TIMM50: variants seen among roughly 807,000 people sequenced by gnomAD.
The protein encoded by TIMM50 is translocase of inner mitochondrial membrane 50.
In TIMM50, 34 loss-of-function variants were observed where a neutral mutation model predicts 49.6. The ratio of observed to expected loss-of-function variants is 0.69; its 90% CI spans 0.52 to 0.91. The LOEUF (loss-of-function observed/expected upper bound fraction) is 0.91, where lower values mean the gene tolerates loss of function less well. Ranked by LOEUF, TIMM50 falls within the 40% of genes least tolerant of loss-of-function variation. TIMM50 has a pLI of 0.00. For missense variants in TIMM50, 458 were observed against 477.8 expected, an observed-to-expected ratio of 0.96 and a Z score of 0.39; for synonymous variants, 199 against 198.4, an observed-to-expected ratio of 1.00 and a Z score of -0.03.
chr19:39,488,258 C>A, intron 9 of TIMM50, 41 bp downstream of exon 9: 1 of 1,576,918 alleles, frequency 6.3e-7, no homozygotes, highest in Non-Finnish European at 8.7e-7. Context: ...GACCCCAGAG[C>A]CCCTGACTCT....
rs1009873079 is a variant in TIMM50 at position 39,485,790 on chromosome 19, T to C, written c.475T>C (p.Leu159=). Residue 159 remains leucine, a synonymous_variant, in exon 6 of 11, where the codon TTG becomes CTG. Coordinates refer to ENST00000607714, the MANE Select transcript of TIMM50 (RefSeq NM_001001563.5). ...CGTTTTGGAGCTCACCGGCGTCCTCTTGCATCCTGAGTGGTCGGTGTGTCC... is the reference window on the plus strand; with the variant it reads ...CGTTTTGGAGCTCACCGGCGTCCTCCTGCATCCTGAGTGGTCGGTGTGTCC... ...TLVLELTGVL[L]HPEWSLATGW... The C allele has an allele frequency of 6.2e-7, 1 of 1,614,152 alleles. No homozygotes were observed. The highest frequency in any genetic ancestry group is 1.7e-5 in the Admixed American group (1 of 60,010).
intron 4 of TIMM50, among the ~76,000 whole-genome samples, chr19:39,484,509 T>C (rs1038183791): frequency 6.6e-6 from 1 of 152,142 alleles, no homozygotes; most frequent in Non-Finnish European, 1.5e-5. Flanking sequence ...CAGATAATTA[T>C]AGAGGACTGC....
intron 6 of TIMM50, 184 bp from the exon 7 acceptor site, chr19:39,486,003 G>A (rs991026767): frequency 9.2e-6 from 10 of 1,092,188 alleles, no homozygotes; most frequent in Admixed American, 4.0e-5. Context: ...GCCCAGGCAC[G>A]CTATAAGTGC....
Position 39,485,268 on chromosome 19 carries a change from G to A in TIMM50, c.314-276G>A, listed in dbSNP as rs1339977341. On this transcript the variant is annotated intron_variant, in intron 4 of 10. Transcript: ENST00000607714. ...TGAGCCACCGTGCCCGGCCTTGTAT[G>A]TGGGTTTTAAGTGGGCCAATGTAAT... 1.6e-5 allele frequency: 8 copies of A among 493,120 alleles called. No homozygotes were observed. The East Asian group carries it at 1.9e-4, about 12-fold the overall frequency. 30.5% of individuals were successfully genotyped at this position (493,120 alleles called of 1,614,324 possible).
rs558329966 is a variant in TIMM50, at chr19:39,492,319, G to GA, written c.*2499_*2500insA. The GA allele has an allele frequency of 6.1e-5, 9 of 147,974 alleles. No individual in the cohort carries two copies. In the East Asian group the frequency reaches 8.0e-4, roughly 13 times the overall value. 9.2% of individuals were successfully genotyped at this position (147,974 alleles called of 1,614,324 possible). On this transcript the variant is annotated 3_prime_UTR_variant, in exon 11 of 11. Coordinates refer to ENST00000607714, the MANE Select transcript of TIMM50 (RefSeq NM_001001563.5). ...ACATGGGAAGAGCCTGTCTCTTGCG[G>GA]GGGGGGGAGAAGAAAGTTCTTGTCT...
rs57882551 is a variant in TIMM50, at chr19:39,493,094, AT to A, written c.*3287del. On this transcript the variant is annotated 3_prime_UTR_variant, in exon 11 of 11. Transcript: ENST00000607714. Reference sequence around the variant, plus strand: ...ACCAGACTGAACCTCTGCACTCTAGATTTTTTTTTTTTTGAAGCCTCTACAA... The same window carrying A: ...ACCAGACTGAACCTCTGCACTCTAGATTTTTTTTTTTTGAAGCCTCTACAA... The A allele has an allele frequency of 9.5e-3, 1,373 of 144,092 alleles. 12 individuals are homozygous for A. The highest frequency in any genetic ancestry group is 0.027 in the African/African-American group (1,084 of 39,508). 8.9% of individuals were successfully genotyped at this position (144,092 alleles called of 1,614,324 possible). A position where few individuals can be genotyped will look rare whatever the true frequency, so the allele number is the denominator to read the frequency against.
In TIMM50 at chr19:39,486,332, G is replaced by A. The variant is rs765488736; in HGVS notation, c.597+41G>A. 3.4e-5 allele frequency: 55 copies of A among 1,612,800 alleles called. 1 individual carries two copies. In the South Asian group the frequency reaches 4.3e-4, roughly 13 times the overall value. ...AGGGGAGGGAATATTGGTGTGGTGG[G>A]AGGCGTAGAGATCTGGAGGACCAGG... On this transcript the variant is annotated intron_variant, in intron 7 of 10. Coordinates refer to ENST00000607714, the MANE Select transcript of TIMM50 (RefSeq NM_001001563.5).
At chr19:39,482,281 G>A (rs2146148783) in intron 2 of TIMM50, among the ~76,000 whole-genome samples, 1 of 152,286 alleles carries the variant, frequency 6.6e-6, no homozygotes. Flanking sequence ...GGGAAGATGG[G>A]GAAGGATAGG....
Position 39,480,895 on chromosome 19 carries a change from G to C in TIMM50, c.42G>C (p.Gly14=), listed in dbSNP as rs1356212863. The C allele has an allele frequency of 2.5e-6, 4 of 1,597,930 alleles. No homozygotes were observed. Among genetic ancestry groups the C allele is most frequent in the South Asian group, 1.1e-5 (1 of 90,126 alleles). ...SAAVFSRLRS[G]LRLGSRGLCT... ...CGGTGTTCTCGCGCTTGCGAAGCGGGCTCCGGCTCGGCTCGCGGGGACTGT... is the reference window on the plus strand; with the variant it reads ...CGGTGTTCTCGCGCTTGCGAAGCGGCCTCCGGCTCGGCTCGCGGGGACTGT... Residue 14 remains glycine, a synonymous_variant, in exon 1 of 11, where the codon GGG becomes GGC. Coordinates refer to ENST00000607714, the MANE Select transcript of TIMM50 (RefSeq NM_001001563.5).
intron 4 of TIMM50, among the ~76,000 whole-genome samples, chr19:39,484,618 C>T (rs762769777): frequency 6.6e-5 from 10 of 151,808 alleles, no homozygotes; most frequent in Non-Finnish European, 1.3e-4. Context: ...CCAGATTTCC[C>T]AGGGGTAGGC....
chr19:39,488,275 G>T, intron 9 of TIMM50, 58 bp downstream of exon 9: 1 of 1,562,532 alleles, frequency 6.4e-7, no homozygotes, highest in Non-Finnish European at 8.7e-7. Flanking sequence ...CTCTGAAGAG[G>T]AAGGATAAAT....
In TIMM50 at chr19:39,488,564, C is replaced by T. The variant is rs571764361; in HGVS notation, c.879C>T (p.Asp293=). The change falls in exon 10 of 11, where the codon GAC becomes GAT. Residue 293 remains aspartate (D), a synonymous_variant. Coordinates refer to ENST00000607714, the MANE Select transcript of TIMM50 (RefSeq NM_001001563.5). ...CCATTGCACTGAATGGTGTGGAGGA[C>T]GTGCGAACCGTGCTGGAGCACTATG... is the stretch of plus-strand genomic sequence containing the variant. ...LKTIALNGVE[D]VRTVLEHYAL... The T allele has an allele frequency of 2.1e-5, 34 of 1,612,992 alleles. No homozygotes were observed. Among genetic ancestry groups the T allele is most frequent in the South Asian group, 8.8e-5 (8 of 91,026 alleles).
intron 9 of TIMM50, 31 bp from the exon 10 acceptor site, chr19:39,488,508 C>A: frequency 6.3e-7 from 1 of 1,599,624 alleles, no homozygotes; most frequent in Non-Finnish European, 8.6e-7. Flanking sequence ...CCTTTAGAAG[C>A]CTGGCTGACC....
Position 39,481,883 on chromosome 19 carries a change from G to C in TIMM50, c.109G>C (p.Ala37Pro), listed in dbSNP as rs765553356. Residue 37 changes from alanine to proline, a missense_variant and splice_region_variant, in exon 2 of 11, where the codon GCC (alanine) becomes CCC (proline). Ala to Pro is a conservative substitution (Grantham distance 27). Coordinates refer to ENST00000607714, the MANE Select transcript of TIMM50 (RefSeq NM_001001563.5). ...ATPPRRAPDQ[A>P]AEIGSRGSTK... ...CTGACCTCCCCTTTCTCAACCGCAG[G>C]CCGCAGAGATCGGGAGCCGCGGGAG... 1.3e-5 allele frequency: 21 copies of C among 1,612,006 alleles called. No homozygotes were observed. Among genetic ancestry groups the C allele is most frequent in the Non-Finnish European group, 1.8e-5 (21 of 1,179,316 alleles).
At chr19:39,482,818 C>T in intron 2 of TIMM50, 67 bp from the exon 3 acceptor site, 1 of 1,606,918 alleles carries the variant, frequency 6.2e-7, no homozygotes, top group South Asian at 1.1e-5. Flanking sequence ...CCCCTTATCC[C>T]ACTCCTCCCT....
intron 8 of TIMM50, 79 bp from the exon 9 acceptor site, chr19:39,487,982 A>G: frequency 7.5e-7 from 1 of 1,327,260 alleles, no homozygotes; most frequent in Non-Finnish European, 1.0e-6. Context: ...GTATGTATGT[A>G]TGTTTTGTGT....
chr19:39,485,869 G>A (rs996312361), intron 6 of TIMM50, 62 bp downstream of exon 6: 5 of 1,600,998 alleles, frequency 3.1e-6, no homozygotes, highest in East Asian at 4.5e-5. Context: ...GTGATGAGGT[G>A]GACTTTCAGC....
chr19:39,485,258 G>A (rs1600739547), intron 4 of TIMM50: 4 of 460,414 alleles, frequency 8.7e-6, no homozygotes, highest in East Asian at 8.6e-5. Context: ...CACCGTGCCC[G>A]GCCTTGTATG....
At chr19:39,482,676 A>G (rs531727419) in intron 2 of TIMM50, among the ~76,000 whole-genome samples, 1 of 146,974 alleles carries the variant, frequency 6.8e-6, no homozygotes, top group South Asian at 2.2e-4. Flanking sequence ...AAAAAAAAAA[A>G]TCCCACAGAC....
Sources: allele counts gnomAD v4.1 joint callset (sites outside exome capture counted in the v4.1 genomes callset), GRCh38; gene constraint gnomAD v4.1.1; transcripts MANE v1.5; gene names NCBI Gene and HGNC (gene_info 2026-07-23, HGNC 2026-07-21).